ACTN4: variants seen among roughly 807,000 people sequenced by gnomAD.
ACTN4 encodes alpha-actinin-4.
In ACTN4, 18 loss-of-function variants were observed where a neutral mutation model predicts 114.2. The ratio of observed to expected loss-of-function variants is 0.16; its 90% CI spans 0.11 to 0.23. The LOEUF (loss-of-function observed/expected upper bound fraction) is 0.23. Among genes scored for constraint, ACTN4 ranks in the 10% least tolerant of loss-of-function variants. The probability of loss-of-function intolerance (pLI) is 1.00; values close to 1 mark genes in which losing one functional copy is unlikely to be tolerated. For missense variants in ACTN4, 722 were observed against 1,262.9 expected (o/e 0.57, Z 6.49); for synonymous variants, 515 against 506.3 (o/e 1.02, Z -0.23).
intron 1 of ACTN4, among the ~76,000 whole-genome samples, chr19:38,652,539 G>A (rs1232777978): frequency 6.6e-6 from 1 of 152,098 alleles, no homozygotes; most frequent in African/African-American, 2.4e-5. Flanking sequence ...TCTGCCTTTT[G>A]AAACACCCTC....
At position 38,647,741 on chromosome 19, in the gene ACTN4, G is replaced by A. The variant is rs1317979475; in HGVS notation, c.-5G>A. 3 of 1,543,642 alleles carry A rather than the reference G, an allele frequency of 1.9e-6. No individual in the cohort carries two copies. The highest frequency in any genetic ancestry group is 3.9e-5 in the Admixed American group (2 of 51,012). On this transcript the variant is annotated 5_prime_UTR_variant, in exon 1 of 21. Transcript: ENST00000252699. ...CAGGCTGGTGGGCGAGCGAGAGGCG[G>A]CGGAATGGTGGACTACCACGCGGCG...
At chr19:38,726,007 T>C in intron 17 of ACTN4, 104 bp downstream of exon 17, 2 of 1,462,046 alleles carry the variant, frequency 1.4e-6, no homozygotes, top group Non-Finnish European at 1.9e-6. Context: ...GTCTGTTGTT[T>C]TTCACTCTGT....
rs1283525421 is a variant in ACTN4 at position 38,673,651 on chromosome 19, ATATT to A, written c.162+25748_162+25751del. 1.6e-4 allele frequency among the ~76,000 whole-genome samples: 13 copies of A among 79,234 alleles called. 2 individuals are homozygous for A. Among genetic ancestry groups the A allele is most frequent in the Admixed American group, 5.0e-4 (3 of 5,944 alleles). The allele number at this position is 79,234 out of a possible 152,430, so 52.0% of individuals were successfully genotyped here. On this transcript the variant is annotated intron_variant, in intron 1 of 20. Coordinates refer to ENST00000252699, the MANE Select transcript of ACTN4 (RefSeq NM_004924.6). Reference sequence around the variant, plus strand: ...TTCATATATATTTATATATATTTATATATTTATATATATTATATATATTTATATA... The same window carrying A: ...TTCATATATATTTATATATATTTATATATATATATTATATATATTTATATA...
intron 1 of ACTN4, among the ~76,000 whole-genome samples, chr19:38,690,299 C>A (rs1465462982): frequency 6.6e-6 from 1 of 152,244 alleles, no homozygotes; most frequent in Non-Finnish European, 1.5e-5. Context: ...ATCACAGACC[C>A]ACTGTTGACT....
intron 8 of ACTN4, among the ~76,000 whole-genome samples, chr19:38,712,532 A>G (rs1332900354): frequency 6.6e-6 from 1 of 151,906 alleles, no homozygotes; most frequent in Non-Finnish European, 1.5e-5. Context: ...AGTGGTGGGG[A>G]GTGTGGTTCT....
At position 38,730,274 on chromosome 19, in the gene ACTN4, C is replaced by T. The variant is rs1969474845; in HGVS notation, c.*842C>T. On this transcript the variant is annotated 3_prime_UTR_variant, in exon 21 of 21. Transcript: ENST00000252699. ...TAGCAACATATCTCTGCCGTCTCTC[C>T]TGCTCTCATAATGAAGACATAGCCG... The T allele has an allele frequency of 6.2e-6, 1 of 162,026 alleles. No individual in the cohort carries two copies. Among genetic ancestry groups the T allele is most frequent in the Non-Finnish European group, 1.4e-5 (1 of 73,594 alleles). The allele number at this position is 162,026 out of a possible 1,614,324, so 10.0% of individuals were successfully genotyped here. A position where few individuals can be genotyped will look rare whatever the true frequency, so the allele number is the denominator to read the frequency against.
intron 1 of ACTN4, among the ~76,000 whole-genome samples, chr19:38,660,481 C>T (rs918887111): frequency 3.9e-5 from 6 of 151,944 alleles, no homozygotes; most frequent in African/African-American, 7.3e-5. Flanking sequence ...CTGCAACCTC[C>T]GTCTCCTGGG....
intron 1 of ACTN4, among the ~76,000 whole-genome samples, chr19:38,697,886 G>T (rs978947855): frequency 5.3e-5 from 8 of 152,236 alleles, no homozygotes; most frequent in African/African-American, 1.9e-4. Context: ...CCTTTGCTCT[G>T]CAGGGCTGCT....
chr19:38,698,987 G>A (rs150710653), intron 1 of ACTN4, among the ~76,000 whole-genome samples: 3 of 152,330 alleles, frequency 2.0e-5, no homozygotes, highest in East Asian at 1.9e-4. Flanking sequence ...CACCCGGGGC[G>A]TGGAATGTGC....
chr19:38,712,222 G>C (rs1356019424), intron 8 of ACTN4, among the ~76,000 whole-genome samples: 1 of 152,058 alleles, frequency 6.6e-6, no homozygotes, highest in Non-Finnish European at 1.5e-5. Context: ...GAAGTTTAGG[G>C]AAACAGCTAT....
chr19:38,698,242 C>T lies in ACTN4; in HGVS notation c.163-2358C>T, dbSNP rs185899978. Among the ~76,000 whole-genome samples the T allele has an allele frequency of 1.3e-3, 202 of 152,246 alleles. 4 individuals are homozygous for T. The South Asian group carries it at 0.027, about 20-fold the overall frequency. On this transcript the variant is annotated intron_variant, in intron 1 of 20. Coordinates refer to ENST00000252699, the MANE Select transcript of ACTN4 (RefSeq NM_004924.6). ...CGCTGCAGGCATGGCCATCTTGAGT[C>T]CTCACACTGCCCGTGGCCTAGGTGG...
At chr19:38,720,188 C>A (rs374279880) in intron 11 of ACTN4, among the ~76,000 whole-genome samples, 5 of 152,254 alleles carry the variant, frequency 3.3e-5, no homozygotes, top group African/African-American at 7.2e-5. Flanking sequence ...CACCATCCCC[C>A]ACAGCCCGCA....
intron 1 of ACTN4, among the ~76,000 whole-genome samples, chr19:38,690,313 A>G (rs758071259): frequency 5.3e-5 from 8 of 151,832 alleles, no homozygotes; most frequent in Non-Finnish European, 8.8e-5. Context: ...GTTGACTTCC[A>G]CCCCTCCGGA....
rs554761599 is a variant in ACTN4, at chr19:38,673,757, TTA to T, written c.162+25862_162+25863del. Among the ~76,000 whole-genome samples, 51 of 101,100 alleles carry T rather than the reference TTA, an allele frequency of 5.0e-4. 2 individuals are homozygous for T. The highest frequency in any genetic ancestry group is 1.2e-3 in the African/African-American group (32 of 26,636). 66.3% of individuals were successfully genotyped at this position (101,100 alleles called of 152,430 possible). A position where few individuals can be genotyped will look rare whatever the true frequency, so the allele number is the denominator to read the frequency against. The stretch of plus-strand genomic sequence containing the variant: ...TATATTTATATATTTATATATATTT[TTA>T]TATATATATATTTATATATGTATAA... On this transcript the variant is annotated intron_variant, in intron 1 of 20. Transcript: ENST00000252699.
intron 4 of ACTN4, 136 bp downstream of exon 4, chr19:38,705,156 T>A: frequency 1.2e-6 from 1 of 839,114 alleles, no homozygotes; most frequent in South Asian, 1.4e-5. Flanking sequence ...CTTGCAGGGG[T>A]AGTCAGTGGG....
rs2145134651 is a variant in ACTN4, at chr19:38,731,125, G to A, written c.*1693G>A. 6.2e-7 allele frequency: 1 copy of A among 1,612,470 alleles called. No individual in the cohort carries two copies. Among genetic ancestry groups the A allele is most frequent in the Non-Finnish European group, 8.5e-7 (1 of 1,179,748 alleles). ...TACTCACAGAAGATGCAGGTGAGGT[G>A]GGCCACACAGGACACGAACCGCTCG... On this transcript the variant is annotated 3_prime_UTR_variant, in exon 21 of 21. Transcript: ENST00000252699.
At chr19:38,651,621 G>A (rs545302043) in intron 1 of ACTN4, among the ~76,000 whole-genome samples, 8 of 151,976 alleles carry the variant, frequency 5.3e-5, no homozygotes, top group Admixed American at 4.6e-4. Flanking sequence ...AACCCTGACC[G>A]TTGGCTTTTT....
intron 8 of ACTN4, 39 bp downstream of exon 8, chr19:38,710,381 C>A: frequency 6.3e-7 from 1 of 1,592,526 alleles, no homozygotes; most frequent in Non-Finnish European, 8.6e-7. Flanking sequence ...TCGCCGCCAC[C>A]GCGCAATGCC....
intron 1 of ACTN4, among the ~76,000 whole-genome samples, chr19:38,694,632 A>G (rs527253567): frequency 6.6e-6 from 1 of 152,126 alleles, no homozygotes; most frequent in East Asian, 1.9e-4. Context: ...CTACTCAGAC[A>G]TCGTGGAATG....
Sources: allele counts gnomAD v4.1 joint callset (sites outside exome capture counted in the v4.1 genomes callset), GRCh38; gene constraint gnomAD v4.1.1; transcripts MANE v1.5; gene names NCBI Gene and HGNC (gene_info 2026-07-23, HGNC 2026-07-21).